Variants in CYP26B1 observed in about 807,000 individuals in gnomAD.
The protein encoded by CYP26B1 is cytochrome P450 family 26 subfamily B member 1, also known as cytochrome P450 26B1.
Under a neutral mutation model 39.1 loss-of-function variants are expected in CYP26B1, and 8 were observed. That is an observed-to-expected ratio of 0.20 (90% CI 0.12 to 0.37). The LOEUF (loss-of-function observed/expected upper bound fraction) is 0.37, where lower values mean the gene tolerates loss of function less well. Among genes scored for constraint, CYP26B1 ranks in the 10% least tolerant of loss-of-function variants. The probability of loss-of-function intolerance (pLI) is 1.00; values close to 1 mark genes in which losing one functional copy is unlikely to be tolerated. For synonymous variants in CYP26B1, 321 were observed against 314.3 expected (o/e 1.02, Z -0.23); for missense variants, 615 against 707.0 (o/e 0.87, Z 1.48).
chr2:72,136,465 T>C (rs967423990), intron 2 of CYP26B1, among the ~76,000 whole-genome samples: 1 of 152,258 alleles, frequency 6.6e-6, no homozygotes, highest in African/African-American at 2.4e-5. Flanking sequence ...AGGGCTGGTT[T>C]GCAGAAATAA....
At chr2:72,143,883 G>A in intron 2 of CYP26B1, 106 bp downstream of exon 2, 1 of 1,359,012 alleles carries the variant, frequency 7.4e-7, no homozygotes, top group Non-Finnish European at 1.0e-6. Flanking sequence ...AGCATGGTGT[G>A]CAAAGGGGGG....
chr2:72,132,759 G>A, intron 5 of CYP26B1, 140 bp from the exon 6 acceptor site: 2 of 1,454,674 alleles, frequency 1.4e-6, no homozygotes, highest in South Asian at 1.4e-5. Context: ...GGCCCCCAAG[G>A]CCTGGCCAGC....
At chr2:72,134,738 T>C (rs1289206608) in intron 4 of CYP26B1, 23 bp downstream of exon 4, 1 of 1,606,362 alleles carries the variant, frequency 6.2e-7, no homozygotes, top group Admixed American at 1.7e-5. Flanking sequence ...GTGCTGCCCG[T>C]GAGGGGCACA....
In CYP26B1 at chr2:72,132,182, C is replaced by T. The variant is rs1249412417; in HGVS notation, c.*45G>A. Reference sequence around the variant, plus strand: ...CACACAGGTTTCTACCTCCCACAACCACCACCCCGCTGCCTGGGCTGGGCT... The same window carrying T: ...CACACAGGTTTCTACCTCCCACAACTACCACCCCGCTGCCTGGGCTGGGCT... On this transcript the variant is annotated 3_prime_UTR_variant, in exon 6 of 6. Coordinates refer to ENST00000001146, the MANE Select transcript of CYP26B1 (RefSeq NM_019885.4). 3.8e-6 allele frequency: 6 copies of T among 1,569,890 alleles called. No individual in the cohort carries two copies. The highest frequency in any genetic ancestry group is 1.3e-5 in the African/African-American group (1 of 74,336).
At position 72,132,397 on chromosome 2, in the gene CYP26B1, C is replaced by T. The variant is rs746875435; in HGVS notation, c.1369G>A (p.Glu457Lys). Residue 457 changes from glutamate to lysine, a missense_variant, in exon 6 of 6, where the codon GAG becomes AAG. Coordinates refer to ENST00000001146, the MANE Select transcript of CYP26B1 (RefSeq NM_019885.4). ...AKLFLKVLAV[E>K]LASTSRFELA... ...TCAAAGCGGCTGGTGCTAGCCAGCT[C>T]CACCGCCAGCACCTTCAGGAACAGC... 4.3e-6 allele frequency: 7 copies of T among 1,611,642 alleles called. No individual in the cohort carries two copies. The Admixed American group carries it at 1.0e-4, about 23-fold the overall frequency.
chr2:72,134,642 A>T (rs1676701301), intron 4 of CYP26B1, 119 bp downstream of exon 4: 1 of 1,466,576 alleles, frequency 6.8e-7, no homozygotes, highest in South Asian at 1.2e-5. Context: ...CTGCTCAGAA[A>T]GCATGTGTGG....
At chr2:72,137,048 G>C (rs1676799279) in intron 2 of CYP26B1, among the ~76,000 whole-genome samples, 1 of 152,200 alleles carries the variant, frequency 6.6e-6, no homozygotes, top group Non-Finnish European at 1.5e-5. Context: ...GTGGGACAGG[G>C]AGGGCCAGAA....
rs2420201 is a variant in CYP26B1, at chr2:72,129,241, G to A, written c.*2986C>T. 0.078 allele frequency: 11,845 copies of A among 152,320 alleles called. 674 individuals carry two copies. Among genetic ancestry groups the A allele is most frequent in the Admixed American group, 0.14 (2,069 of 15,300 alleles). The allele number at this position is 152,320 out of a possible 1,614,324, so 9.4% of individuals were successfully genotyped here. Reference sequence around the variant, plus strand: ...CAGAGACGCAACGGAGACAAGGGCGGGTCCCCACGGTTTATTCTAGAAGCC... The same window carrying A: ...CAGAGACGCAACGGAGACAAGGGCGAGTCCCCACGGTTTATTCTAGAAGCC... On this transcript the variant is annotated 3_prime_UTR_variant, in exon 6 of 6. Transcript: ENST00000001146.
chr2:72,130,326 G>C lies in CYP26B1; in HGVS notation c.*1901C>G, dbSNP rs3768647. ...GCCTGTTTTTCAGGATTAGGGATGA[G>C]CAATTTTGCCAATAATGTCTATTCC... is the stretch of plus-strand genomic sequence containing the variant. On this transcript the variant is annotated 3_prime_UTR_variant, in exon 6 of 6. Coordinates refer to ENST00000001146, the MANE Select transcript of CYP26B1 (RefSeq NM_019885.4). 29,205 of 152,138 alleles carry C rather than the reference G, an allele frequency of 0.19. 3,335 individuals carry two copies. The highest frequency in any genetic ancestry group is 0.3 in the African/African-American group (12,630 of 41,438). The allele number at this position is 152,138 out of a possible 1,614,324, so 9.4% of individuals were successfully genotyped here.
At chr2:72,140,785 G>T (rs1431934936) in intron 2 of CYP26B1, among the ~76,000 whole-genome samples, 1 of 152,202 alleles carries the variant, frequency 6.6e-6, no homozygotes, top group Non-Finnish European at 1.5e-5. Flanking sequence ...TACCTCCAAA[G>T]CCTAGTCCCC....
Position 72,129,268 on chromosome 2 carries a change from A to G in CYP26B1, c.*2959T>C, listed in dbSNP as rs1460434288. On this transcript the variant is annotated 3_prime_UTR_variant, in exon 6 of 6. Transcript: ENST00000001146. The stretch of plus-strand genomic sequence containing the variant: ...TCCCCACGGTTTATTCTAGAAGCCT[A>G]TAGAAGAGCCACATTGAGTATTTCC... The G allele has an allele frequency of 6.6e-6, 1 of 152,436 alleles. No individual in the cohort carries two copies. Among genetic ancestry groups the G allele is most frequent in the African/African-American group, 2.4e-5 (1 of 41,460 alleles). The allele number at this position is 152,436 out of a possible 1,614,324, so 9.4% of individuals were successfully genotyped here. A position where few individuals can be genotyped will look rare whatever the true frequency, so the allele number is the denominator to read the frequency against.
At chr2:72,139,097 T>C (rs1490408430) in intron 2 of CYP26B1, among the ~76,000 whole-genome samples, 2 of 151,920 alleles carry the variant, frequency 1.3e-5, no homozygotes, top group African/African-American at 4.8e-5. Flanking sequence ...GATGGACATA[T>C]GGATGGGCAG....
rs1418064593 is a variant in CYP26B1, at chr2:72,147,759, G to A, written c.76C>T (p.Leu26=). The A allele has an allele frequency of 4.4e-6, 7 of 1,584,906 alleles. No homozygotes were observed. The highest frequency in any genetic ancestry group is 6.0e-6 in the Non-Finnish European group (7 of 1,166,560). ...TGCCACAGCTGCTGCGACACGGCCA[G>A]CAGCAGCGTCACGGACACCAGGCAC... is the stretch of plus-strand genomic sequence containing the variant. ...AACLVSVTLL[L]AVSQQLWQLR... is the part of the protein sequence containing the mutation. Residue 26 remains leucine (L), a synonymous_variant, in exon 1 of 6, where the codon CTG becomes TTG. Transcript: ENST00000001146. The surrounding 1 kb of genome is among the most constrained non-coding windows in gnomAD (Gnocchi z 6.1).
Position 72,129,542 on chromosome 2 carries a change from ATATC to A in CYP26B1, c.*2681_*2684del, listed in dbSNP as rs1035628234. The A allele has an allele frequency of 8.0e-4, 121 of 151,986 alleles. No individual in the cohort carries two copies. The highest frequency in any genetic ancestry group is 2.2e-3 in the African/African-American group (90 of 40,908). The allele number at this position is 151,986 out of a possible 1,614,324, so 9.4% of individuals were successfully genotyped here. A position where few individuals can be genotyped will look rare whatever the true frequency, so the allele number is the denominator to read the frequency against. Reference sequence around the variant, plus strand: ...TTTAACAGCAAAAACTTTATACTAAATATCTATTTTGAATTATAACAAAAATAGT... The same window carrying A: ...TTTAACAGCAAAAACTTTATACTAAATATTTTGAATTATAACAAAAATAGT... On this transcript the variant is annotated 3_prime_UTR_variant, in exon 6 of 6. Transcript: ENST00000001146.
In CYP26B1 at chr2:72,134,046, A is replaced by G. The variant is rs187773156; in HGVS notation, c.861+715T>C. 5.9e-3 allele frequency among the ~76,000 whole-genome samples: 897 copies of G among 152,320 alleles called. 9 individuals carry two copies. The highest frequency in any genetic ancestry group is 0.019 in the African/African-American group (790 of 41,580). ...TGGGTCCATTACTGGCCATGGCAAC[A>G]TCCATAAATCACAAAGCTTCTTGTA... On this transcript the variant is annotated intron_variant, in intron 4 of 5. Transcript: ENST00000001146.
chr2:72,144,520 G>GGGGCC, intron 1 of CYP26B1: 1 of 1,154,996 alleles, frequency 8.7e-7, no homozygotes, highest in Non-Finnish European at 1.1e-6. Context: ...GGGAGTCTCC[G>GGGGCC]CCCCCACCCC....
In CYP26B1 at chr2:72,132,266, G is replaced by A. The variant is rs1193719290; in HGVS notation, c.1500C>T (p.Ile500=). The A allele has an allele frequency of 6.9e-6, 11 of 1,604,754 alleles. No homozygotes were observed. In the African/African-American group the frequency reaches 1.3e-4, roughly 19 times the overall value. Reference sequence around the variant, plus strand: ...TCAGCATGGCCTCCGTCTCCGGCAGGATCTCGTTCTGGTTGGAGTCCAGGC... The same window carrying A: ...TCAGCATGGCCTCCGTCTCCGGCAGAATCTCGTTCTGGTTGGAGTCCAGGC... ...FFGLDSNQNE[I]LPETEAMLSA... The change falls in exon 6 of 6, where the codon ATC becomes ATT. Residue 500 remains isoleucine, a synonymous_variant. Coordinates refer to ENST00000001146, the MANE Select transcript of CYP26B1 (RefSeq NM_019885.4).
Position 72,132,271 on chromosome 2 carries a change from C to G in CYP26B1, c.1495G>C (p.Glu499Gln). The change falls in exon 6 of 6, where the codon GAG (glutamate) becomes CAG (glutamine). Residue 499 changes from glutamate to glutamine, a missense_variant. Coordinates refer to ENST00000001146, the MANE Select transcript of CYP26B1 (RefSeq NM_019885.4). ...KFFGLDSNQNEILPETEAMLS... is the reference protein window; with the variant it reads ...KFFGLDSNQNQILPETEAMLS... ...ATGGCCTCCGTCTCCGGCAGGATCT[C>G]GTTCTGGTTGGAGTCCAGGCCAAAG... 1.9e-6 allele frequency: 3 copies of G among 1,604,932 alleles called. No homozygotes were observed. The highest frequency in any genetic ancestry group is 1.1e-5 in the South Asian group (1 of 89,238).
In CYP26B1 at chr2:72,140,930, C is replaced by A. The variant is rs142271544; in HGVS notation, c.429+3059G>T. 1.0e-3 allele frequency among the ~76,000 whole-genome samples: 159 copies of A among 152,324 alleles called. 1 individual carries two copies. Among genetic ancestry groups the A allele is most frequent in the Admixed American group, 3.9e-3 (60 of 15,306 alleles). ...TACTCTCCAGGTTCCCTGAGGGTAT[C>A]TCCAGGCCACTGTCTGGGGTGCCCT... is the stretch of plus-strand genomic sequence containing the variant. On this transcript the variant is annotated intron_variant, in intron 2 of 5. Coordinates refer to ENST00000001146, the MANE Select transcript of CYP26B1 (RefSeq NM_019885.4).
Sources: gnomAD v4.1 joint callset for allele counts (sites outside exome capture counted in the v4.1 genomes callset) on GRCh38, gnomAD v4.1.1 for gene constraint, Gnocchi (gnomAD v3.1) non-coding constraint, MANE v1.5 for transcripts, NCBI Gene and HGNC (gene_info 2026-07-23, HGNC 2026-07-21) for gene names.